The following PLEKHA6 variants were observed in gnomAD, a reference collection of about 807,000 sequenced individuals.
The protein encoded by PLEKHA6 is pleckstrin homology domain-containing family A member 6.
A neutral mutation model predicts 116.7 loss-of-function variants in PLEKHA6; 60 were observed. The ratio of observed to expected loss-of-function variants is 0.51; its 90% confidence interval spans 0.42 to 0.64. The LOEUF (loss-of-function observed/expected upper bound fraction) is 0.64, where lower values mean the gene tolerates loss of function less well. PLEKHA6 is among the 30% of genes least tolerant of loss of function. The pLI is 0.00. For missense variants in PLEKHA6, 1,338 were observed against 1,422.7 expected (o/e 0.94, Z 0.96); for synonymous variants, 489 against 556.1 (o/e 0.88, Z 1.70).
intron 1 of PLEKHA6, among the ~76,000 whole-genome samples, chr1:204,281,590 C>G (rs1381585289): frequency 1.3e-5 from 2 of 152,124 alleles, no homozygotes; most frequent in African/African-American, 2.4e-5. Context: ...ACCCTCCTGT[C>G]TCTAAAAACA....
intron 1 of PLEKHA6, among the ~76,000 whole-genome samples, chr1:204,357,335 C>G (rs1290127281): frequency 3.3e-5 from 5 of 152,164 alleles, no homozygotes; most frequent in Non-Finnish European, 7.4e-5. Flanking sequence ...CTCTGAGGGG[C>G]GTCTGAAGGT....
chr1:204,355,392 G>C (rs955407560), intron 1 of PLEKHA6, among the ~76,000 whole-genome samples: 1 of 152,112 alleles, frequency 6.6e-6, no homozygotes, highest in African/African-American at 2.4e-5. Context: ...CTGGTAAATG[G>C]TAGATTCCAG....
intron 17 of PLEKHA6, among the ~76,000 whole-genome samples, chr1:204,232,919 T>A (rs1202681683): frequency 3.9e-5 from 6 of 152,088 alleles, no homozygotes; most frequent in African/African-American, 1.4e-4. Context: ...CCTTCCAATT[T>A]CTCCTTGTTG....
chr1:204,292,410 C>T (rs1489031913), intron 1 of PLEKHA6, among the ~76,000 whole-genome samples: 1 of 152,214 alleles, frequency 6.6e-6, no homozygotes. Flanking sequence ...CAGTCCGAAG[C>T]TCTTTCCTCA....
intron 1 of PLEKHA6, among the ~76,000 whole-genome samples, chr1:204,294,140 C>G (rs373046852): frequency 3.3e-5 from 5 of 152,242 alleles, no homozygotes; most frequent in Non-Finnish European, 5.9e-5. Flanking sequence ...AGCCAAACAC[C>G]CTTCTCTCTC....
chr1:204,364,401 C>T (rs1673614049), upstream of PLEKHA6, among the ~76,000 whole-genome samples: 1 of 152,256 alleles, frequency 6.6e-6, no homozygotes, highest in Non-Finnish European at 1.5e-5. Context: ...ATCAGGCACA[C>T]ATGAGGCCGC....
chr1:204,241,099 T>C (rs1218928959), intron 17 of PLEKHA6, among the ~76,000 whole-genome samples: 2 of 152,200 alleles, frequency 1.3e-5, no homozygotes, highest in Non-Finnish European at 2.9e-5. Context: ...AGTTAATACT[T>C]ACTAAACTCC....
chr1:204,322,737 C>T (rs953221500), intron 1 of PLEKHA6, among the ~76,000 whole-genome samples: 2 of 152,160 alleles, frequency 1.3e-5, no homozygotes, highest in African/African-American at 4.8e-5. Flanking sequence ...CTCCACATTC[C>T]CCCAACCAAG....
intron 1 of PLEKHA6, among the ~76,000 whole-genome samples, chr1:204,308,158 T>G (rs1057296701): frequency 6.6e-6 from 1 of 152,218 alleles, no homozygotes; most frequent in Non-Finnish European, 1.5e-5. Context: ...TGCCTCATTT[T>G]GCAGATAAGA....
chr1:204,355,743 T>G (rs1220341211), intron 1 of PLEKHA6, among the ~76,000 whole-genome samples: 2 of 152,132 alleles, frequency 1.3e-5, no homozygotes, highest in Non-Finnish European at 2.9e-5. Flanking sequence ...CCTGGCCAAC[T>G]GTGATCTTAA....
chr1:204,327,217 C>A (rs1248541060), intron 1 of PLEKHA6, among the ~76,000 whole-genome samples: 1 of 152,254 alleles, frequency 6.6e-6, no homozygotes, highest in Non-Finnish European at 1.5e-5. Context: ...TTGCACCATT[C>A]TTCCTCGTTT....
At chr1:204,377,376 A>G (rs1436464497) in intron 1 of PLEKHA6, among the ~76,000 whole-genome samples, 1 of 152,174 alleles carries the variant, frequency 6.6e-6, no homozygotes, top group Non-Finnish European at 1.5e-5. Flanking sequence ...AGCTGAGGGA[A>G]TGCCAAGCCT....
chr1:204,267,892 C>G (rs1431078888), intron 4 of PLEKHA6, among the ~76,000 whole-genome samples: 1 of 152,128 alleles, frequency 6.6e-6, no homozygotes, highest in Non-Finnish European at 1.5e-5. Context: ...ACCCCTACCC[C>G]CCACCATAAT....
At chr1:204,244,786 A>G in intron 15 of PLEKHA6, 78 bp downstream of exon 15, 2 of 1,155,566 alleles carry the variant, frequency 1.7e-6, no homozygotes, top group Admixed American at 2.9e-5. Context: ...AGATGGGCAC[A>G]GAAGTTGTAT....
intron 1 of PLEKHA6, among the ~76,000 whole-genome samples, chr1:204,333,653 TC>T (rs1244312025): frequency 2.6e-5 from 4 of 152,142 alleles, no homozygotes; most frequent in Non-Finnish European, 5.9e-5. Context: ...AATCTTTGAC[TC>T]TCCAGCTCAG....
intron 3 of PLEKHA6, among the ~76,000 whole-genome samples, chr1:204,366,754 CT>C (rs886886794): frequency 2.0e-5 from 3 of 152,044 alleles, no homozygotes; most frequent in African/African-American, 7.2e-5. Flanking sequence ...GAGTGAGACC[CT>C]ATCTTAAAAA....
intron 1 of PLEKHA6, among the ~76,000 whole-genome samples, chr1:204,373,766 C>T (rs1254079102): frequency 6.6e-6 from 1 of 152,050 alleles, no homozygotes; most frequent in Admixed American, 6.5e-5. Context: ...AGGTTGGACA[C>T]CTGCTACAGG....
At chr1:204,279,645 G>C (rs907721279) in intron 1 of PLEKHA6, among the ~76,000 whole-genome samples, 29 of 152,306 alleles carry the variant, frequency 1.9e-4, no homozygotes, top group African/African-American at 6.5e-4. Flanking sequence ...GGTGGAGGTA[G>C]AAACAGCCCT....
At chr1:204,232,874 A>G (rs989736907) in intron 17 of PLEKHA6, among the ~76,000 whole-genome samples, 2 of 152,198 alleles carry the variant, frequency 1.3e-5, no homozygotes, top group Non-Finnish European at 2.9e-5. Flanking sequence ...CCCCTGCTGG[A>G]TTTCAAGCTT....
Sources: gnomAD v4.1 joint callset for allele counts (sites outside exome capture counted in the v4.1 genomes callset) on GRCh38, gnomAD v4.1.1 for gene constraint, MANE v1.5 for transcripts, NCBI Gene and HGNC (gene_info 2026-07-23, HGNC 2026-07-21) for gene names.